LRWD1: variants seen among roughly 807,000 people sequenced by gnomAD.
LRWD1 encodes the protein leucine rich repeats and WD repeat domain containing 1, also known as leucine-rich repeat and WD repeat-containing protein 1.
Under a neutral mutation model 75.6 loss-of-function variants are expected in LRWD1, and 76 were observed. That is an observed-to-expected ratio of 1.01 (90% CI 0.84 to 1.22). The LOEUF (loss-of-function observed/expected upper bound fraction) is 1.22, where lower values mean the gene tolerates loss of function less well. Ranked by LOEUF, LRWD1 falls within the 50% of genes most tolerant of loss-of-function variation. LRWD1 has a pLI of 0.00. For synonymous variants in LRWD1, 487 were observed against 377.0 expected, an observed-to-expected ratio of 1.29 and a Z score of -3.38; for missense variants, 917 against 862.0, an observed-to-expected ratio of 1.06 and a Z score of -0.80.
chr7:102,467,098 GGCACCTGGGT>G lies in LRWD1; in HGVS notation c.433-240_433-231del, dbSNP rs1389499208. ...GTGTGTGTGTGTGTGTGTGTGTGTA[GGCACCTGGGT>G]TGTTGCTGGGGTGTGTGTGTGTGTG... On this transcript the variant is annotated intron_variant, in intron 3 of 14. Transcript: ENST00000292616. Among the ~76,000 whole-genome samples, 304 of 106,618 alleles carry G rather than the reference GGCACCTGGGT, an allele frequency of 2.9e-3. 4 individuals carry two copies. Among genetic ancestry groups the G allele is most frequent in the African/African-American group, 0.01 (287 of 28,522 alleles). 69.9% of individuals were successfully genotyped at this position (106,618 alleles called of 152,430 possible). A position where few individuals can be genotyped will look rare whatever the true frequency, so the allele number is the denominator to read the frequency against.
intron 11 of LRWD1, chr7:102,470,159 AC>A: frequency 4.9e-6 from 2 of 405,676 alleles, no homozygotes; most frequent in Non-Finnish European, 8.7e-6. Flanking sequence ...GATCCAGCCC[AC>A]TCCTGCCACT....
At position 102,465,986 on chromosome 7, in the gene LRWD1, G is replaced by A. The variant is rs572352133; in HGVS notation, c.250G>A (p.Val84Ile). The A allele has an allele frequency of 1.5e-5, 25 of 1,614,014 alleles. 1 individual carries two copies. The South Asian group carries it at 2.6e-4, about 17-fold the overall frequency. The change falls in exon 2 of 15, where the codon GTT becomes ATT. Residue 84 changes from valine to isoleucine, a missense_variant. Coordinates refer to ENST00000292616, the MANE Select transcript of LRWD1 (RefSeq NM_152892.3). ...CTGCGCCAACAACCAGCTGGGGGAT[G>A]TTACTGCCTTGTGCCAGTTCCCCAA... ...LRCANNQLGD[V>I]TALCQFPKLE...
At chr7:102,466,827 T>TTGAAG (rs955492867) in intron 3 of LRWD1, among the ~76,000 whole-genome samples, 9 of 142,480 alleles carry the variant, frequency 6.3e-5, no homozygotes, top group African/African-American at 2.1e-4. Flanking sequence ...GCTGCCCATG[T>TTGAAG]TGAAGTGCAG....
Position 102,472,800 on chromosome 7 carries a change from C to A in LRWD1, c.1799C>A (p.Thr600Lys), listed in dbSNP as rs757995965. Residue 600 changes from threonine (T) to lysine (K), a missense_variant, in exon 14 of 15, where the codon ACA becomes AAA. Coordinates refer to ENST00000292616, the MANE Select transcript of LRWD1 (RefSeq NM_152892.3). ...CTGCCGGCAGCCCTGCAGGCCCCCA[C>A]ACAGGTACTGCCCGGCTCACCCTGC... Reference protein sequence around the residue: ...PLLPAALQAPTQILKWPQPWA... With the variant: ...PLLPAALQAPKQILKWPQPWA... The A allele has an allele frequency of 6.2e-7, 1 of 1,613,364 alleles. No individual in the cohort carries two copies. The highest frequency in any genetic ancestry group is 8.5e-7 in the Non-Finnish European group (1 of 1,179,922).
rs759378141 is a variant in LRWD1, at chr7:102,465,488, GCTTTTTTTTTTTTT to G, written c.81-328_81-315del. The G allele has an allele frequency of 5.0e-3, 535 of 107,974 alleles. 127 individuals are homozygous for G. The highest frequency in any genetic ancestry group is 0.011 in the East Asian group (31 of 2,782). The allele number at this position is 107,974 out of a possible 1,614,324, so 6.7% of individuals were successfully genotyped here. A position where few individuals can be genotyped will look rare whatever the true frequency, so the allele number is the denominator to read the frequency against. The stretch of plus-strand genomic sequence containing the variant: ...GCCCCCGAGTCCTAAAGTAGTTGCA[GCTTTTTTTTTTTTT>G]TTTTTTTTTTTTTTTTTTTTTTTGT... On this transcript the variant is annotated intron_variant, in intron 1 of 14. Transcript: ENST00000292616.
chr7:102,471,916 C>A (rs898772125), intron 11 of LRWD1: 2 of 354,670 alleles, frequency 5.6e-6, no homozygotes, highest in Admixed American at 4.0e-5. Context: ...ATCTCACACT[C>A]GGTCCCAGAG....
chr7:102,467,706 T>G lies in LRWD1; in HGVS notation c.574-13T>G, dbSNP rs370491948. Reference sequence around the variant, plus strand: ...GACTCTGCCCAGCTTCCTGATGGCCTGGCCCCACCCAGGTGCGGATGATCT... The same window carrying G: ...GACTCTGCCCAGCTTCCTGATGGCCGGGCCCCACCCAGGTGCGGATGATCT... On this transcript the variant is annotated splice_polypyrimidine_tract_variant and intron_variant, in intron 4 of 14. Transcript: ENST00000292616. 1.9e-6 allele frequency: 3 copies of G among 1,550,144 alleles called. No individual in the cohort carries two copies. The highest frequency in any genetic ancestry group is 2.7e-5 in the African/African-American group (2 of 72,994).
rs1298393756 is a variant in LRWD1, at chr7:102,469,880, G to A, written c.1440G>A (p.Arg480=). ...TGCGGCTGGACCAGCCCCAAAAGAG[G>A]AGGTGAGGCTGGGCAGGGGGCGCCT... ...WDVRLDQPQK[R]RVCEVEFVFS... is the part of the protein sequence containing the mutation. Residue 480 remains arginine (R), a splice_region_variant and synonymous_variant, in exon 11 of 15, where the codon AGG becomes AGA. Transcript: ENST00000292616. 6.4e-7 allele frequency: 1 copy of A among 1,553,028 alleles called. No individual in the cohort carries two copies. The highest frequency in any genetic ancestry group is 1.4e-5 in the African/African-American group (1 of 73,602).
chr7:102,472,268 G>A lies in LRWD1; in HGVS notation c.1493G>A (p.Arg498Gln), dbSNP rs147046550. 121 of 1,594,664 alleles carry A rather than the reference G, an allele frequency of 7.6e-5. 3 individuals carry two copies. In the East Asian group the frequency reaches 1.6e-3, roughly 21 times the overall value. The change falls in exon 12 of 15, where the codon CGG (arginine) becomes CAG (glutamine). Residue 498 changes from arginine to glutamine, a missense_variant. By Grantham distance (43) the Arg-to-Gln change is conservative. Coordinates refer to ENST00000292616, the MANE Select transcript of LRWD1 (RefSeq NM_152892.3). Reference protein sequence around the residue: ...VFSEGSEASGRRVDGLAFVNE... With the variant: ...VFSEGSEASGQRVDGLAFVNE... ...TCTGAGGGCTCCGAGGCATCTGGAC[G>A]GAGAGTGGATGGGCTGGCATTTGTG...
At chr7:102,465,357 G>C (rs1259788892) in intron 1 of LRWD1, among the ~76,000 whole-genome samples, 197 bp downstream of exon 1, 1 of 152,204 alleles carries the variant, frequency 6.6e-6, no homozygotes, top group Non-Finnish European at 1.5e-5. Flanking sequence ...CCCCTGAAGG[G>C]AGCCCGGACA....
At position 102,472,277 on chromosome 7, in the gene LRWD1, A is replaced by G. The variant is rs750880780; in HGVS notation, c.1502A>G (p.Asp501Gly). The change falls in exon 12 of 15, where the codon GAT becomes GGT. Residue 501 changes from aspartate to glycine, a missense_variant. Physicochemically the swap from Asp to Gly is moderately conservative, Grantham distance 94. Transcript: ENST00000292616. Reference sequence around the variant, plus strand: ...TCCGAGGCATCTGGACGGAGAGTGGATGGGCTGGCATTTGTGAATGAGGAC... The same window carrying G: ...TCCGAGGCATCTGGACGGAGAGTGGGTGGGCTGGCATTTGTGAATGAGGAC... ...EGSEASGRRV[D>G]GLAFVNEDIV... is the part of the protein sequence containing the mutation. 6.3e-7 allele frequency: 1 copy of G among 1,588,888 alleles called. No homozygotes were observed. The highest frequency in any genetic ancestry group is 8.6e-7 in the Non-Finnish European group (1 of 1,165,888).
chr7:102,468,421 G>A (rs1158890599), intron 7 of LRWD1, 44 bp downstream of exon 7: 1 of 1,556,640 alleles, frequency 6.4e-7, no homozygotes, highest in Non-Finnish European at 8.7e-7. Flanking sequence ...CTGGAAATAG[G>A]GCCGCCTGGA....
chr7:102,471,986 C>T, intron 11 of LRWD1: 1 of 519,516 alleles, frequency 1.9e-6, no homozygotes, highest in Admixed American at 3.2e-5. Flanking sequence ...CTGGAAGAGC[C>T]ACCCCTCGTG....
chr7:102,472,645 C>T (rs769626510), intron 13 of LRWD1, 36 bp downstream of exon 13: 2 of 1,610,946 alleles, frequency 1.2e-6, no homozygotes, highest in Non-Finnish European at 1.7e-6. Context: ...ATCCCGCGGG[C>T]TTCCGGGAGC....
At position 102,473,017 on chromosome 7, in the gene LRWD1, T is replaced by TC; in HGVS notation, c.1914dup (p.Asn639GlnfsTer?). On this transcript the variant is annotated frameshift_variant, in exon 15 of 15. Coordinates refer to ENST00000292616, the MANE Select transcript of LRWD1 (RefSeq NM_152892.3). LOFTEE classifies it high-confidence loss of function. ...CACCTACCTCACCGCCCTGACGGAC[T>TC]CCAACATCGTAGCCATCTGGGGGAG... 1 of 1,613,716 alleles carries TC rather than the reference T, an allele frequency of 6.2e-7. No individual in the cohort carries two copies. The highest frequency in any genetic ancestry group is 8.5e-7 in the Non-Finnish European group (1 of 1,179,920).
intron 1 of LRWD1, 131 bp downstream of exon 1, chr7:102,465,291 T>G: frequency 6.3e-6 from 6 of 950,116 alleles, no homozygotes; most frequent in Non-Finnish European, 8.7e-6. Context: ...TCCAAATGTC[T>G]TCTTGTTGGG....
intron 3 of LRWD1, among the ~76,000 whole-genome samples, chr7:102,467,070 GGTGT>G (rs59522694): frequency 0.024 from 3,205 of 133,498 alleles, 139 homozygotes; most frequent in African/African-American, 0.085. Flanking sequence ...GGTTGTTGCT[GGTGT>G]GTGTGTGTGT....
At chr7:102,466,390 G>A in intron 3 of LRWD1, 120 bp downstream of exon 3, 1 of 737,502 alleles carries the variant, frequency 1.4e-6, no homozygotes, top group Non-Finnish European at 2.3e-6. Context: ...TGCCCCAACA[G>A]CCCCTAGCCT....
rs936391919 is a variant in LRWD1, at chr7:102,472,506, G to T, written c.1587G>T (p.Thr529=). 6.4e-7 allele frequency: 1 copy of T among 1,553,130 alleles called. No homozygotes were observed. Among genetic ancestry groups the T allele is most frequent in the Non-Finnish European group, 8.7e-7 (1 of 1,149,738 alleles). Residue 529 remains threonine (T), a synonymous_variant, in exon 13 of 15, where the codon ACG becomes ACT. Coordinates refer to ENST00000292616, the MANE Select transcript of LRWD1 (RefSeq NM_152892.3). The stretch of plus-strand genomic sequence containing the variant: ...TCTGCCTGTGGAGCTGGAGGCAGAC[G>T]TGGGGGGGCCGGGGCAGCCAGTCCA... ...GTICLWSWRQ[T]WGGRGSQSTV...
Sources: allele counts gnomAD v4.1 joint callset (sites outside exome capture counted in the v4.1 genomes callset), GRCh38; gene constraint gnomAD v4.1.1; transcripts MANE v1.5; gene names NCBI Gene and HGNC (gene_info 2026-07-23, HGNC 2026-07-21).